Variants in CCDC68 observed in about 807,000 individuals in gnomAD.
CCDC68 encodes the protein coiled-coil domain containing 68.
Under a neutral mutation model 47.1 loss-of-function variants are expected in CCDC68, and 45 were observed. The ratio of observed to expected loss-of-function variants is 0.96; its 90% CI spans 0.75 to 1.23. The LOEUF is 1.23. CCDC68 is among the 50% of genes most tolerant of loss of function. The pLI is 0.00. For missense variants in CCDC68, 353 were observed against 373.6 expected, an observed-to-expected ratio of 0.94 and a Z score of 0.45; for synonymous variants, 131 against 129.5, an observed-to-expected ratio of 1.01 and a Z score of -0.08.
At chr18:54,942,269 A>G (rs2044450889) in intron 3 of CCDC68, among the ~76,000 whole-genome samples, 2 of 152,232 alleles carry the variant, frequency 1.3e-5, no homozygotes, top group African/African-American at 2.4e-5. Flanking sequence ...GTGAAAAGGA[A>G]CAAGGTAACG....
Position 54,904,944 on chromosome 18 carries a change from C to T in CCDC68, c.951-529G>A, listed in dbSNP as rs182749806. On this transcript the variant is annotated intron_variant, in intron 11 of 11. Coordinates refer to ENST00000591504, the MANE Select transcript of CCDC68 (RefSeq NM_025214.3). ...TATTATTGTTGTTTAACAACATGGC[C>T]CCTCATCTCAAGCAAACCACTCAAG... is the stretch of plus-strand genomic sequence containing the variant. Among the ~76,000 whole-genome samples the T allele has an allele frequency of 8.1e-4, 123 of 152,044 alleles. 1 individual carries two copies. The highest frequency in any genetic ancestry group is 2.7e-3 in the African/African-American group (113 of 41,450).
At chr18:54,913,381 G>A (rs1914477506) in intron 10 of CCDC68, among the ~76,000 whole-genome samples, 1 of 152,194 alleles carries the variant, frequency 6.6e-6, no homozygotes, top group Admixed American at 6.5e-5. Flanking sequence ...AGTTCCTCCT[G>A]TTATTTTAGG....
intron 1 of CCDC68, among the ~76,000 whole-genome samples, chr18:54,948,293 G>A (rs1320336596): frequency 3.3e-5 from 5 of 152,128 alleles, no homozygotes; most frequent in Non-Finnish European, 1.5e-5. Context: ...TGAGAACACC[G>A]AATGCCCTGT....
At chr18:54,948,237 C>A (rs906776155) in intron 1 of CCDC68, among the ~76,000 whole-genome samples, 3 of 152,034 alleles carry the variant, frequency 2.0e-5, no homozygotes, top group Non-Finnish European at 2.9e-5. Context: ...GATCCCTACT[C>A]CAATATGACT....
At chr18:54,941,493 TACAAAA>T (rs1466603861) in intron 3 of CCDC68, among the ~76,000 whole-genome samples, 152 of 152,088 alleles carry the variant, frequency 1.0e-3, no homozygotes, top group African/African-American at 3.6e-3. Flanking sequence ...TAGTAATTAC[TACAAAA>T]TAATTACTAT....
intron 7 of CCDC68, among the ~76,000 whole-genome samples, chr18:54,933,101 G>C (rs1346397488): frequency 1.3e-5 from 2 of 151,486 alleles, no homozygotes; most frequent in Non-Finnish European, 2.9e-5. Context: ...TCTTTTTTTT[G>C]ACACGGAGTC....
At chr18:54,933,533 T>C (rs1488766973) in intron 7 of CCDC68, among the ~76,000 whole-genome samples, 1 of 152,240 alleles carries the variant, frequency 6.6e-6, no homozygotes, top group Non-Finnish European at 1.5e-5. Context: ...CCCAGAATTG[T>C]CTTTCTTTCC....
chr18:54,905,609 A>G (rs747345940), intron 11 of CCDC68, among the ~76,000 whole-genome samples: 13 of 152,130 alleles, frequency 8.5e-5, no homozygotes, highest in Non-Finnish European at 1.8e-4. Context: ...TCCATTGTAT[A>G]TTTGTGAATC....
intron 10 of CCDC68, among the ~76,000 whole-genome samples, chr18:54,913,719 A>G (rs1466147484): frequency 6.6e-6 from 1 of 152,096 alleles, no homozygotes; most frequent in Admixed American, 6.5e-5. Context: ...AGGCTGAGGT[A>G]GGAGGATTGC....
At chr18:54,950,574 C>T (rs2044596063) in intron 1 of CCDC68, among the ~76,000 whole-genome samples, 1 of 152,030 alleles carries the variant, frequency 6.6e-6, no homozygotes, top group South Asian at 2.1e-4. Context: ...CAACTACATG[C>T]TAATCATTTG....
chr18:54,935,233 C>T (rs763548797), intron 6 of CCDC68, among the ~76,000 whole-genome samples: 37 of 152,062 alleles, frequency 2.4e-4, no homozygotes, highest in Non-Finnish European at 5.0e-4. Context: ...GCTAATTTAA[C>T]GAAAGCAACA....
intron 8 of CCDC68, among the ~76,000 whole-genome samples, chr18:54,921,258 T>C (rs1211196168): frequency 6.6e-6 from 1 of 152,018 alleles, no homozygotes; most frequent in Non-Finnish European, 1.5e-5. Flanking sequence ...GCTACCTAGG[T>C]GACAGATTCA....
chr18:54,909,452 G>A (rs1297890676), intron 10 of CCDC68, among the ~76,000 whole-genome samples: 1 of 149,598 alleles, frequency 6.7e-6, no homozygotes, highest in Admixed American at 6.7e-5. Context: ...CGCGATCTCA[G>A]TGTTACAAGG....
chr18:54,921,465 G>A (rs2044058986), intron 8 of CCDC68, among the ~76,000 whole-genome samples: 1 of 152,198 alleles, frequency 6.6e-6, no homozygotes, highest in South Asian at 2.1e-4. Flanking sequence ...AATCTTCCAG[G>A]ACTCTAGAAA....
At chr18:54,906,157 G>T (rs555128730) in intron 11 of CCDC68, among the ~76,000 whole-genome samples, 2 of 131,724 alleles carry the variant, frequency 1.5e-5, no homozygotes, top group South Asian at 5.8e-4. Context: ...CTGGTCCATG[G>T]AAAAACTGTC....
chr18:54,958,319 C>T (rs1484359950), intron 1 of CCDC68, among the ~76,000 whole-genome samples: 1 of 152,118 alleles, frequency 6.6e-6, no homozygotes, highest in Non-Finnish European at 1.5e-5. Context: ...AAAAGCATAA[C>T]AACAGCACCA....
chr18:54,954,033 C>CTCCT (rs1375983832), intron 1 of CCDC68, among the ~76,000 whole-genome samples: 14 of 89,752 alleles, frequency 1.6e-4, no homozygotes, highest in African/African-American at 5.9e-4. Context: ...CTTCCCTTCC[C>CTCCT]TCCTTCCTTT....
In CCDC68 at chr18:54,942,700, A is replaced by G. The variant is rs748868054; in HGVS notation, c.92T>C (p.Ile31Thr). The G allele has an allele frequency of 6.2e-6, 10 of 1,605,486 alleles. No homozygotes were observed. Among genetic ancestry groups the G allele is most frequent in the East Asian group, 4.5e-5 (2 of 44,578 alleles). Residue 31 changes from isoleucine (I) to threonine (T), a missense_variant, in exon 3 of 12, where the codon ATT becomes ACT. Physicochemically the swap from Ile to Thr is moderately conservative, Grantham distance 89. Coordinates refer to ENST00000591504, the MANE Select transcript of CCDC68 (RefSeq NM_025214.3). ...ALYESTSAHI[I>T]EETEYVKKIR... is the part of the protein sequence containing the mutation. ...CTTTTTCACATACTCGGTTTCTTCA[A>G]TAATGTGAGCGGACGTAGACTCATA... is the stretch of plus-strand genomic sequence containing the variant.
intron 10 of CCDC68, among the ~76,000 whole-genome samples, chr18:54,916,519 T>C (rs115532113): frequency 3.3e-5 from 5 of 152,018 alleles, no homozygotes; most frequent in East Asian, 1.9e-4. Context: ...CAGGTGACAA[T>C]TGGCAGAAAA....
Sources: gnomAD v4.1 joint callset for allele counts (sites outside exome capture counted in the v4.1 genomes callset) on GRCh38, gnomAD v4.1.1 for gene constraint, MANE v1.5 for transcripts, NCBI Gene and HGNC (gene_info 2026-07-23, HGNC 2026-07-21) for gene names.